Variants in PRELID2 observed in about 807,000 individuals in gnomAD.
PRELID2 encodes PRELI domain containing 2.
A neutral mutation model predicts 28.4 loss-of-function variants in PRELID2; 25 were observed. The observed-to-expected ratio is 0.88, with a 90% CI of 0.64 to 1.23. The LOEUF (loss-of-function observed/expected upper bound fraction) is 1.23. Among genes scored for constraint, PRELID2 ranks in the 50% most tolerant of loss-of-function variants. The probability of loss-of-function intolerance (pLI) is 0.00; values close to 1 mark genes in which losing one functional copy is unlikely to be tolerated. For missense variants in PRELID2, 201 were observed against 214.4 expected (o/e 0.94, Z 0.39); for synonymous variants, 76 against 71.6 (o/e 1.06, Z -0.31).
chr5:145,615,325 TTG>T (rs1490426333), intron 1 of PRELID2, among the ~76,000 whole-genome samples: 2,050 of 95,650 alleles, frequency 0.021, 269 homozygotes, highest in African/African-American at 0.12. Context: ...TCTCTTTTTT[TTG>T]TTTTTTTTTT....
At chr5:145,741,320 T>A (rs1202014006) in intron 1 of PRELID2, among the ~76,000 whole-genome samples, 2 of 50,426 alleles carry the variant, frequency 4.0e-5, no homozygotes, top group African/African-American at 1.3e-4. Flanking sequence ...TATTTATAAA[T>A]AAATTATTTA....
intron 1 of PRELID2, among the ~76,000 whole-genome samples, chr5:145,521,177 C>T (rs1184448978): frequency 6.6e-6 from 1 of 152,136 alleles, no homozygotes; most frequent in Admixed American, 6.6e-5. Flanking sequence ...TGCTGAGATC[C>T]TAGTCATTCT....
At chr5:145,487,742 G>A (rs1374978723) in intron 1 of PRELID2, among the ~76,000 whole-genome samples, 2 of 151,740 alleles carry the variant, frequency 1.3e-5, no homozygotes, top group Non-Finnish European at 2.9e-5. Context: ...AGGAAGGAAG[G>A]GTATCAGGTT....
intron 1 of PRELID2, among the ~76,000 whole-genome samples, chr5:145,613,062 C>T (rs943830307): frequency 6.6e-6 from 1 of 152,136 alleles, no homozygotes; most frequent in Admixed American, 6.5e-5. Context: ...ACACTGTTTT[C>T]CCTAACAGCT....
the PRELID2 span, among the ~76,000 whole-genome samples, chr5:145,385,831 C>G: frequency 2.0e-5 from 3 of 152,206 alleles, no homozygotes; most frequent in East Asian, 5.8e-4. Context: ...CTTCATAAAG[C>G]CTTTCCAGTA....
chr5:145,697,973 T>G (rs1755317048), intron 1 of PRELID2, among the ~76,000 whole-genome samples: 1 of 150,660 alleles, frequency 6.6e-6, no homozygotes, highest in African/African-American at 2.5e-5. Context: ...ACTGTGATTG[T>G]CCTAATGTCC....
chr5:145,465,065 A>G, the PRELID2 span, among the ~76,000 whole-genome samples: 3 of 152,072 alleles, frequency 2.0e-5, no homozygotes, highest in Non-Finnish European at 2.9e-5. Flanking sequence ...ATGTCACTGT[A>G]TGTGCTTCTC....
At chr5:145,563,971 C>T (rs62392706) in intron 1 of PRELID2, among the ~76,000 whole-genome samples, 4,988 of 152,308 alleles carry the variant, frequency 0.033, 141 homozygotes, top group African/African-American at 0.075. Context: ...TATATTAATT[C>T]ACCGACTGTC....
At chr5:145,431,645 T>C in the PRELID2 span, among the ~76,000 whole-genome samples, 2 of 152,054 alleles carry the variant, frequency 1.3e-5, no homozygotes, top group Admixed American at 6.6e-5. Flanking sequence ...TTCAATCTAA[T>C]CATAAGGAAA....
chr5:145,603,293 A>G (rs887118267), intron 1 of PRELID2, among the ~76,000 whole-genome samples: 1 of 123,992 alleles, frequency 8.1e-6, no homozygotes, highest in Non-Finnish European at 1.5e-5. Context: ...GAGCAGCTAG[A>G]AAAAAAAAAA....
the PRELID2 span, among the ~76,000 whole-genome samples, chr5:145,290,479 T>C: frequency 1.3e-5 from 2 of 152,038 alleles, no homozygotes; most frequent in African/African-American, 4.8e-5. Context: ...AAACCATTAT[T>C]CTGAGCAAAC....
At chr5:145,261,615 A>G in the PRELID2 span, among the ~76,000 whole-genome samples, 1 of 152,190 alleles carries the variant, frequency 6.6e-6, no homozygotes, top group Non-Finnish European at 1.5e-5. Context: ...TTCAGCTCTC[A>G]GGAATTCCCG....
rs3038287 is a variant in PRELID2, at chr5:145,595,161, GACACACACAC to G, written n.71-121856_71-121847del. 4.9e-4 allele frequency among the ~76,000 whole-genome samples: 64 copies of G among 131,250 alleles called. No individual in the cohort carries two copies. The East Asian group carries it at 6.8e-3, about 14-fold the overall frequency. The allele number at this position is 131,250 out of a possible 152,430, so 86.1% of individuals were successfully genotyped here. ...AAGAAGAAGAAGAAGAGTCATAATAGACACACACACACACACACACACACACACACACACA... is the reference window on the plus strand; with the variant it reads ...AAGAAGAAGAAGAAGAGTCATAATAGACACACACACACACACACACACACA... On this transcript the variant is annotated intron_variant and non_coding_transcript_variant, in intron 1 of 2. Coordinates refer to the PRELID2 transcript ENST00000510259.
At chr5:145,367,688 A>AG in the PRELID2 span, among the ~76,000 whole-genome samples, 2 of 151,940 alleles carry the variant, frequency 1.3e-5, no homozygotes, top group Non-Finnish European at 2.9e-5. Flanking sequence ...CATAACGTCA[A>AG]GTAATTGGAA....
At chr5:145,280,231 T>C in the PRELID2 span, among the ~76,000 whole-genome samples, 3 of 152,126 alleles carry the variant, frequency 2.0e-5, no homozygotes, top group Admixed American at 6.6e-5. Flanking sequence ...GGAATTGTTA[T>C]AAAAACCTCA....
intron 5 of PRELID2, among the ~76,000 whole-genome samples, chr5:145,793,112 A>G (rs1304138771): frequency 1.3e-5 from 2 of 152,162 alleles, no homozygotes; most frequent in Non-Finnish European, 2.9e-5. Context: ...TGGTGTGTGA[A>G]AAGTCAGCAT....
the PRELID2 span, among the ~76,000 whole-genome samples, chr5:145,345,929 G>A: frequency 6.6e-6 from 1 of 151,894 alleles, no homozygotes; most frequent in Non-Finnish European, 1.5e-5. Flanking sequence ...CCAACTTTCA[G>A]ATATATAAAC....
chr5:145,409,991 C>T, the PRELID2 span, among the ~76,000 whole-genome samples: 2 of 152,216 alleles, frequency 1.3e-5, no homozygotes, highest in African/African-American at 4.8e-5. Flanking sequence ...GAATACAGAA[C>T]CCAGAAATAA....
the PRELID2 span, among the ~76,000 whole-genome samples, chr5:145,434,467 T>C: frequency 6.6e-6 from 1 of 152,194 alleles, no homozygotes; most frequent in Non-Finnish European, 1.5e-5. Context: ...CGTACACATG[T>C]ACAGAGACAC....
Sources: gnomAD v4.1 joint callset for allele counts (sites outside exome capture counted in the v4.1 genomes callset) on GRCh38, gnomAD v4.1.1 for gene constraint, MANE v1.5 for transcripts, NCBI Gene and HGNC (gene_info 2026-07-23, HGNC 2026-07-21) for gene names.